The following FRMD6 variants were observed in gnomAD, a reference collection of about 807,000 sequenced individuals.
FRMD6 encodes the protein FERM domain-containing protein 6.
Under a neutral mutation model 73.2 loss-of-function variants are expected in FRMD6, and 37 were observed. The ratio of observed to expected loss-of-function variants is 0.51; its 90% CI spans 0.39 to 0.66. The LOEUF is 0.66. Among genes scored for constraint, FRMD6 ranks in the 30% least tolerant of loss-of-function variants. FRMD6 has a pLI of 0.00. For missense variants in FRMD6, 714 were observed against 780.5 expected (o/e 0.91, Z 1.02); for synonymous variants, 273 against 282.2 (o/e 0.97, Z 0.33).
intron 1 of FRMD6, among the ~76,000 whole-genome samples, chr14:51,570,000 A>G (rs1225062568): frequency 1.3e-5 from 2 of 151,966 alleles, no homozygotes; most frequent in African/African-American, 2.4e-5. Context: ...TATTTTTAGT[A>G]GAGACGGGGT....
At chr14:51,678,941 C>T (rs55780869) in intron 1 of FRMD6, among the ~76,000 whole-genome samples, 40,746 of 151,858 alleles carry the variant, frequency 0.27, 5,802 homozygotes, top group East Asian at 0.36. Flanking sequence ...TTCAGGGATC[C>T]GTGAGGAAAA....
intron 2 of FRMD6, among the ~76,000 whole-genome samples, chr14:51,622,732 A>G (rs1890969585): frequency 6.6e-6 from 1 of 152,058 alleles, no homozygotes; most frequent in South Asian, 2.1e-4. Flanking sequence ...GAGTCCTTCA[A>G]TCTAATTCTT....
chr14:51,696,874 G>A (rs1895976296), intron 2 of FRMD6, among the ~76,000 whole-genome samples: 1 of 151,998 alleles, frequency 6.6e-6, no homozygotes, highest in Non-Finnish European at 1.5e-5. Context: ...AAGGATACTT[G>A]TCCTGAGTAG....
At chr14:51,424,366 A>G in the FRMD6 span, among the ~76,000 whole-genome samples, 1,154 of 152,320 alleles carry the variant, frequency 7.6e-3, 13 homozygotes, top group African/African-American at 0.014. Flanking sequence ...TTGAGATTCT[A>G]TAAGAATTAT....
At chr14:51,582,505 A>G (rs533239760) in intron 2 of FRMD6, among the ~76,000 whole-genome samples, 2 of 152,204 alleles carry the variant, frequency 1.3e-5, no homozygotes, top group Non-Finnish European at 2.9e-5. Flanking sequence ...TCCAAAGGCT[A>G]TGCAGAATCA....
chr14:51,567,347 T>C, intron 1 of FRMD6, among the ~76,000 whole-genome samples: 1 of 152,146 alleles, frequency 6.6e-6, no homozygotes, highest in Non-Finnish European at 1.5e-5. Flanking sequence ...CATCTGTTTT[T>C]GGTTTTGTTT....
intron 1 of FRMD6, among the ~76,000 whole-genome samples, chr14:51,560,252 G>A (rs995079049): frequency 6.6e-6 from 1 of 152,120 alleles, no homozygotes; most frequent in African/African-American, 2.4e-5. Flanking sequence ...ATTGAATTAA[G>A]TTTTATCCTT....
chr14:51,655,028 A>T (rs1483998200), intron 1 of FRMD6, among the ~76,000 whole-genome samples: 2 of 151,112 alleles, frequency 1.3e-5, no homozygotes, highest in Non-Finnish European at 2.9e-5. Context: ...TTGCAATTTC[A>T]ACTTTCTTCT....
the FRMD6 span, among the ~76,000 whole-genome samples, chr14:51,458,092 C>T: frequency 6.6e-6 from 1 of 152,166 alleles, no homozygotes; most frequent in Non-Finnish European, 1.5e-5. Context: ...ATGTGAATAA[C>T]TTGATTCCTT....
chr14:51,593,735 C>A (rs181093248), intron 2 of FRMD6, among the ~76,000 whole-genome samples: 348 of 152,230 alleles, frequency 2.3e-3, no homozygotes, highest in Admixed American at 4.3e-3. Flanking sequence ...TCTAGGTAAA[C>A]CCTGACTCCC....
chr14:51,433,836 G>A, the FRMD6 span, among the ~76,000 whole-genome samples: 1 of 152,304 alleles, frequency 6.6e-6, no homozygotes, highest in Non-Finnish European at 1.5e-5. Flanking sequence ...CAGATGCTGG[G>A]GGAACCCCAA....
chr14:51,535,789 G>A (rs1415048350), intron 1 of FRMD6, among the ~76,000 whole-genome samples: 1 of 152,106 alleles, frequency 6.6e-6, no homozygotes, highest in Admixed American at 6.5e-5. Flanking sequence ...CAAAGTGGCT[G>A]CTCCACCTAA....
chr14:51,426,751 G>A, the FRMD6 span, among the ~76,000 whole-genome samples: 1 of 152,142 alleles, frequency 6.6e-6, no homozygotes, highest in African/African-American at 2.4e-5. Context: ...CACCTAGTGT[G>A]GAGAACTTTC....
At chr14:51,701,995 G>A (rs1237451943) in intron 4 of FRMD6, among the ~76,000 whole-genome samples, 1 of 151,942 alleles carries the variant, frequency 6.6e-6, no homozygotes, top group Non-Finnish European at 1.5e-5. Context: ...GTCAGGAATA[G>A]TAATCCTAGA....
the FRMD6 span, among the ~76,000 whole-genome samples, chr14:51,406,118 A>C: frequency 6.6e-6 from 1 of 151,956 alleles, no homozygotes; most frequent in Admixed American, 6.6e-5. Flanking sequence ...TGTTTTTGTC[A>C]AGTTTGTCAA....
intron 1 of FRMD6, among the ~76,000 whole-genome samples, chr14:51,557,296 A>C (rs537809685): frequency 9.9e-5 from 15 of 152,112 alleles, no homozygotes; most frequent in Non-Finnish European, 1.8e-4. Context: ...ATACATAGGA[A>C]TATTATTCAG....
At chr14:51,721,736 G>GA (rs1204551657) in intron 11 of FRMD6, among the ~76,000 whole-genome samples, 52 of 54,072 alleles carry the variant, frequency 9.6e-4, no homozygotes, top group African/African-American at 3.7e-3. Flanking sequence ...GGAAGGGAGG[G>GA]AGGAAGGAAG....
intron 1 of FRMD6, among the ~76,000 whole-genome samples, chr14:51,524,537 G>GGA (rs1267127992): frequency 7.3e-6 from 1 of 137,250 alleles, no homozygotes; most frequent in African/African-American, 3.1e-5. Flanking sequence ...TTTTTATGAC[G>GGA]GGGGGGGTCT....
intron 1 of FRMD6, among the ~76,000 whole-genome samples, chr14:51,534,322 A>G (rs1885763867): frequency 6.6e-6 from 1 of 152,234 alleles, no homozygotes; most frequent in African/African-American, 2.4e-5. Flanking sequence ...TACCCATGGT[A>G]ATGTGTGATG....
Sources: allele counts gnomAD v4.1 joint callset (sites outside exome capture counted in the v4.1 genomes callset), GRCh38; gene constraint gnomAD v4.1.1; transcripts MANE v1.5; gene names NCBI Gene and HGNC (gene_info 2026-07-23, HGNC 2026-07-21).